The following BNC2 variants were observed in gnomAD, a reference collection of about 807,000 sequenced individuals.
BNC2 encodes zinc finger protein basonuclin-2.
Under a neutral mutation model 76.3 loss-of-function variants are expected in BNC2, and 20 were observed. The ratio of observed to expected loss-of-function variants is 0.26; its 90% CI spans 0.18 to 0.38. The LOEUF (loss-of-function observed/expected upper bound fraction) is 0.38, where lower values mean the gene tolerates loss of function less well. Ranked by LOEUF, BNC2 falls within the 10% of genes least tolerant of loss-of-function variation. BNC2 has a pLI of 1.00. For synonymous variants in BNC2, 582 were observed against 514.8 expected, an observed-to-expected ratio of 1.13 and a Z score of -1.77; for missense variants, 1,382 against 1,399.8, an observed-to-expected ratio of 0.99 and a Z score of 0.20.
chr9:16,457,629 G>C (rs1211352451), intron 5 of BNC2, among the ~76,000 whole-genome samples: 1 of 152,208 alleles, frequency 6.6e-6, no homozygotes, highest in African/African-American at 2.4e-5. Context: ...TTTTGTGGGA[G>C]TGGTCACGTA....
intron 3 of BNC2, among the ~76,000 whole-genome samples, chr9:16,715,063 T>C (rs918954585): frequency 6.6e-6 from 1 of 152,190 alleles, no homozygotes; most frequent in African/African-American, 2.4e-5. Flanking sequence ...TGGTAAATTA[T>C]AGCAATCCCA....
intron 3 of BNC2, among the ~76,000 whole-genome samples, chr9:16,668,240 G>A (rs140442238): frequency 4.9e-4 from 75 of 152,324 alleles, no homozygotes; most frequent in African/African-American, 1.7e-3. Context: ...CTCCTGAGCA[G>A]CTGAGACTAT....
At chr9:16,868,382 T>G (rs10962647) in intron 1 of BNC2, among the ~76,000 whole-genome samples, 16,488 of 150,248 alleles carry the variant, frequency 0.11, 1,172 homozygotes, top group Middle Eastern at 0.17. Flanking sequence ...TTTGTCTGCT[T>G]CTTTTTGTAA....
intron 3 of BNC2, among the ~76,000 whole-genome samples, chr9:16,662,234 T>C (rs1822130134): frequency 6.6e-6 from 1 of 152,192 alleles, no homozygotes; most frequent in Non-Finnish European, 1.5e-5. Context: ...ATGCTACATA[T>C]TTAAAACATT....
At chr9:16,566,944 A>G (rs1485910101) in intron 4 of BNC2, among the ~76,000 whole-genome samples, 1 of 152,228 alleles carries the variant, frequency 6.6e-6, no homozygotes, top group Non-Finnish European at 1.5e-5. Flanking sequence ...ATTAGAAAAA[A>G]GGAAAAAAAT....
intron 3 of BNC2, among the ~76,000 whole-genome samples, chr9:16,635,903 G>A (rs1821308717): frequency 6.6e-6 from 1 of 152,198 alleles, no homozygotes; most frequent in Non-Finnish European, 1.5e-5. Context: ...AGGGTAGGAT[G>A]GTGGTGAGGG....
At chr9:16,739,056 G>A (rs150151267) in intron 1 of BNC2, among the ~76,000 whole-genome samples, 152 of 151,504 alleles carry the variant, frequency 1.0e-3, no homozygotes, top group African/African-American at 3.5e-3. Flanking sequence ...CTTCTACACC[G>A]AGGCACTCTC....
chr9:16,485,631 G>A (rs1421162384), intron 5 of BNC2, among the ~76,000 whole-genome samples: 1 of 152,158 alleles, frequency 6.6e-6, no homozygotes, highest in Non-Finnish European at 1.5e-5. Flanking sequence ...TCTAGCCTGA[G>A]CAACATAGTG....
chr9:16,858,596 G>C (rs375495934), intron 1 of BNC2, among the ~76,000 whole-genome samples: 1 of 152,162 alleles, frequency 6.6e-6, no homozygotes, highest in African/African-American at 2.4e-5. Context: ...TGTAATCCCA[G>C]CACTTTGGGA....
At chr9:16,525,768 TC>T (rs1817780723) in intron 5 of BNC2, among the ~76,000 whole-genome samples, 2 of 152,164 alleles carry the variant, frequency 1.3e-5, no homozygotes, top group African/African-American at 2.4e-5. Flanking sequence ...CTCACTATAT[TC>T]CCCTTCACCA....
chr9:16,838,373 G>A (rs866522652), intron 1 of BNC2, among the ~76,000 whole-genome samples: 1 of 152,144 alleles, frequency 6.6e-6, no homozygotes, highest in South Asian at 2.1e-4. Flanking sequence ...TGGCCAACAT[G>A]GAGAAACCCC....
At chr9:16,829,309 G>A (rs1171965563) in intron 1 of BNC2, among the ~76,000 whole-genome samples, 1 of 152,178 alleles carries the variant, frequency 6.6e-6, no homozygotes, top group Non-Finnish European at 1.5e-5. Flanking sequence ...GGGTAGGGCT[G>A]TCTCCTGGCC....
At chr9:16,845,725 T>A (rs570572177) in intron 1 of BNC2, among the ~76,000 whole-genome samples, 3 of 150,952 alleles carry the variant, frequency 2.0e-5, no homozygotes, top group South Asian at 4.2e-4. Flanking sequence ...CGTCTCAAAA[T>A]AAAATAAAAA....
At chr9:16,811,552 CAAAAAAAAA>C (rs1179927173) in intron 1 of BNC2, among the ~76,000 whole-genome samples, 8 of 58,040 alleles carry the variant, frequency 1.4e-4, no homozygotes, top group South Asian at 8.4e-4. Flanking sequence ...AACTCCATCT[CAAAAAAAAA>C]AAAAAAAAAA....
At chr9:16,532,768 T>C (rs1401781669) in intron 5 of BNC2, among the ~76,000 whole-genome samples, 1 of 152,262 alleles carries the variant, frequency 6.6e-6, no homozygotes, top group East Asian at 1.9e-4. Flanking sequence ...GAAGATTACT[T>C]GCTTCTACTT....
Position 16,631,806 on chromosome 9 carries a change from A to C in BNC2, c.331-48721T>G, listed in dbSNP as rs1181474565. ...CAGAGATTTCCAGAGAAACAGAAGA[A>C]GGCACCAACTCAGGTAGGGCTTTAG... On this transcript the variant is annotated intron_variant, in intron 3 of 6. Transcript: ENST00000380672. Among the ~76,000 whole-genome samples, 3 of 152,336 alleles carry C rather than the reference A, an allele frequency of 2.0e-5. No individual in the cohort carries two copies. The South Asian group carries it at 6.2e-4, about 32-fold the overall frequency.
At chr9:16,866,456 G>C (rs577522995) in intron 1 of BNC2, among the ~76,000 whole-genome samples, 6 of 151,840 alleles carry the variant, frequency 4.0e-5, no homozygotes, top group Non-Finnish European at 5.9e-5. Flanking sequence ...ACTTTTAATA[G>C]AACTCTGAAG....
chr9:16,725,213 T>TCACA (rs1420165030), intron 3 of BNC2, among the ~76,000 whole-genome samples: 3 of 38,994 alleles, frequency 7.7e-5, no homozygotes, highest in African/African-American at 2.2e-4. Flanking sequence ...TAAGTCTCTC[T>TCACA]CTCTCACACA....
intron 1 of BNC2, chr9:16,832,274 G>C (rs1313102858): frequency 1.6e-6 from 2 of 1,284,826 alleles, no homozygotes; most frequent in Admixed American, 2.3e-5. Flanking sequence ...AAGGTTCTTT[G>C]ACGTCATCAG....
Sources: allele counts gnomAD v4.1 joint callset (sites outside exome capture counted in the v4.1 genomes callset), GRCh38; gene constraint gnomAD v4.1.1; transcripts MANE v1.5; gene names NCBI Gene and HGNC (gene_info 2026-07-23, HGNC 2026-07-21).